ODAD2: variants seen among roughly 807,000 people sequenced by gnomAD.
The protein encoded by ODAD2 is outer dynein arm-docking complex subunit 2.
ODAD2 carries 89 observed loss-of-function variants against 106.8 expected under a neutral mutation model. That is an observed-to-expected ratio of 0.83 (90% confidence interval 0.70 to 0.99). ODAD2 has a LOEUF of 0.99. Among genes scored for constraint, ODAD2 ranks in the 50% least tolerant of loss-of-function variants. The pLI is 0.00. For synonymous variants in ODAD2, 404 were observed against 436.2 expected, an observed-to-expected ratio of 0.93 and a Z score of 0.92; for missense variants, 1,168 against 1,238.5, an observed-to-expected ratio of 0.94 and a Z score of 0.85.
chr10:27,943,575 T>G (rs559243665), intron 12 of ODAD2, among the ~76,000 whole-genome samples: 2 of 151,920 alleles, frequency 1.3e-5, no homozygotes, highest in Non-Finnish European at 2.9e-5. Context: ...TTACCTGAGC[T>G]CAGGAGTTCA....
At chr10:27,972,758 T>C (rs1245004438) in intron 7 of ODAD2, among the ~76,000 whole-genome samples, 1 of 151,988 alleles carries the variant, frequency 6.6e-6, no homozygotes, top group East Asian at 1.9e-4. Flanking sequence ...AACTTCAATA[T>C]ACATGAAGGA....
chr10:27,825,215 T>C (rs952403), intron 19 of ODAD2, among the ~76,000 whole-genome samples: 9,678 of 152,216 alleles, frequency 0.064, 517 homozygotes, highest in African/African-American at 0.15. Context: ...CCTGACATCT[T>C]CCCATTACCA....
intron 19 of ODAD2, chr10:27,836,171 T>G (rs1478600239): frequency 6.6e-6 from 1 of 152,184 alleles, no homozygotes; most frequent in Non-Finnish European, 1.5e-5. Context: ...GTATATATAT[T>G]CAGTACATAT....
chr10:27,828,441 G>A (rs986862131), intron 19 of ODAD2, among the ~76,000 whole-genome samples: 3 of 152,134 alleles, frequency 2.0e-5, no homozygotes, highest in Non-Finnish European at 2.9e-5. Flanking sequence ...GGGAAAGGCC[G>A]GGAGAAGGAA....
chr10:27,836,654 C>A (rs1465969773), intron 19 of ODAD2, among the ~76,000 whole-genome samples: 1 of 152,052 alleles, frequency 6.6e-6, no homozygotes, highest in African/African-American at 2.4e-5. Context: ...AGGGTTCTTA[C>A]CTTTATGGTT....
chr10:27,870,747 T>A (rs1391315723), intron 17 of ODAD2, among the ~76,000 whole-genome samples: 1 of 152,214 alleles, frequency 6.6e-6, no homozygotes, highest in Non-Finnish European at 1.5e-5. Flanking sequence ...CTTAATCCAC[T>A]CTATCATTGA....
intron 17 of ODAD2, among the ~76,000 whole-genome samples, chr10:27,906,568 G>A (rs181019477): frequency 1.4e-4 from 22 of 152,272 alleles, no homozygotes; most frequent in Non-Finnish European, 2.8e-4. Context: ...ACACGTATAT[G>A]TTTATTGCAG....
At chr10:27,980,237 A>G (rs1271380550) in intron 7 of ODAD2, among the ~76,000 whole-genome samples, 2 of 152,186 alleles carry the variant, frequency 1.3e-5, no homozygotes, top group Non-Finnish European at 2.9e-5. Flanking sequence ...ACACAGTGCT[A>G]AATTTTTCAT....
chr10:27,883,454 A>G (rs891195309), intron 17 of ODAD2, among the ~76,000 whole-genome samples: 1 of 152,190 alleles, frequency 6.6e-6, no homozygotes, highest in Admixed American at 6.6e-5. Flanking sequence ...TTCATATTTA[A>G]TTATTTAAAA....
At chr10:27,843,000 G>T (rs1838422623) in intron 19 of ODAD2, among the ~76,000 whole-genome samples, 1 of 152,082 alleles carries the variant, frequency 6.6e-6, no homozygotes, top group African/African-American at 2.4e-5. Flanking sequence ...AAAGATTCAT[G>T]TTCAAATTAT....
At position 27,953,320 on chromosome 10, in the gene ODAD2, G is replaced by A. The variant is rs534960491; in HGVS notation, c.1386+8248C>T. On this transcript the variant is annotated intron_variant, in intron 10 of 19. Coordinates refer to ENST00000305242, the MANE Select transcript of ODAD2 (RefSeq NM_018076.5). Reference sequence around the variant, plus strand: ...TGAACAATTACATAAAACTGCCTTAGCTATCACAGTTCATTCCAATAAAAA... The same window carrying A: ...TGAACAATTACATAAAACTGCCTTAACTATCACAGTTCATTCCAATAAAAA... Among the ~76,000 whole-genome samples the A allele has an allele frequency of 1.4e-3, 219 of 152,222 alleles. 1 individual carries two copies. The South Asian group carries it at 0.017, about 12-fold the overall frequency.
intron 10 of ODAD2, among the ~76,000 whole-genome samples, chr10:27,950,620 T>C (rs1003240576): frequency 1.3e-5 from 2 of 152,168 alleles, no homozygotes; most frequent in Non-Finnish European, 2.9e-5. Context: ...GGAGTCTTGC[T>C]CTGTCGTGCG....
chr10:27,995,318 T>C (rs911215383), intron 1 of ODAD2, 138 bp from the exon 2 acceptor site: 132 of 979,024 alleles, frequency 1.3e-4, no homozygotes, highest in Admixed American at 8.8e-5. Flanking sequence ...TAACATTATC[T>C]AATTGCTCTT....
intron 17 of ODAD2, among the ~76,000 whole-genome samples, chr10:27,869,867 A>G (rs1271503286): frequency 6.6e-6 from 1 of 152,132 alleles, no homozygotes; most frequent in Non-Finnish European, 1.5e-5. Context: ...AGAATAAGAC[A>G]TTATCATTAG....
chr10:27,812,429 T>G lies in ODAD2; in HGVS notation c.*83A>C. ...GTTGAAAGGGTTTGCTAACAACTGT[T>G]TCCCAATTTAGGCTTTCTGGCCATG... On this transcript the variant is annotated 3_prime_UTR_variant, in exon 20 of 20. Transcript: ENST00000305242. The G allele has an allele frequency of 1.5e-6, 2 of 1,330,318 alleles. No homozygotes were observed. The highest frequency in any genetic ancestry group is 1.3e-5 in the South Asian group (1 of 74,138). The allele number at this position is 1,330,318 out of a possible 1,614,324, so 82.4% of individuals were successfully genotyped here.
chr10:27,852,960 C>CAAAAAA (rs61548333), intron 19 of ODAD2, among the ~76,000 whole-genome samples: 9 of 84,742 alleles, frequency 1.1e-4, no homozygotes, highest in Non-Finnish European at 2.1e-4. Context: ...GACACAGTCT[C>CAAAAAA]AAAAAAAAAA....
intron 7 of ODAD2, among the ~76,000 whole-genome samples, chr10:27,976,479 A>G (rs1849195236): frequency 6.6e-6 from 1 of 152,168 alleles, no homozygotes; most frequent in Non-Finnish European, 1.5e-5. Context: ...GACTAAAAAT[A>G]GAAAATTTAA....
chr10:27,826,158 A>T (rs763935113), intron 19 of ODAD2, among the ~76,000 whole-genome samples: 12 of 152,130 alleles, frequency 7.9e-5, no homozygotes, highest in Non-Finnish European at 1.3e-4. Flanking sequence ...TGGGATCAAG[A>T]ACATCAAGAG....
intron 17 of ODAD2, 44 bp downstream of exon 17, chr10:27,907,619 G>C: frequency 7.3e-7 from 1 of 1,372,796 alleles, no homozygotes; most frequent in Non-Finnish European, 1.0e-6. Flanking sequence ...TTTCAGTATA[G>C]TATTAGAGAT....
Sources: allele counts gnomAD v4.1 joint callset (sites outside exome capture counted in the v4.1 genomes callset), GRCh38; gene constraint gnomAD v4.1.1; transcripts MANE v1.5; gene names NCBI Gene and HGNC (gene_info 2026-07-23, HGNC 2026-07-21).